Variants in OTOGL observed in about 807,000 individuals in gnomAD.
The protein encoded by OTOGL is otogelin like.
OTOGL carries 285 observed loss-of-function variants against 318.5 expected under a neutral mutation model. That is an observed-to-expected ratio of 0.89 (90% CI 0.81 to 0.99). The LOEUF (loss-of-function observed/expected upper bound fraction) is 0.99, where lower values mean the gene tolerates loss of function less well. Among genes scored for constraint, OTOGL ranks in the 50% least tolerant of loss-of-function variants. The probability of loss-of-function intolerance (pLI) is 0.00; values close to 1 mark genes in which losing one functional copy is unlikely to be tolerated. For missense variants in OTOGL, 2,899 were observed against 2,845.6 expected (o/e 1.02, Z -0.43); for synonymous variants, 987 against 936.5 (o/e 1.05, Z -0.99).
At chr12:80,140,134 C>G (rs1871839467) in intron 1 of OTOGL, among the ~76,000 whole-genome samples, 1 of 152,156 alleles carries the variant, frequency 6.6e-6, no homozygotes, top group Admixed American at 6.5e-5. Flanking sequence ...TTTGTTCTCT[C>G]TATTGATGAC....
At chr12:80,309,913 G>A (rs1375027337) in intron 29 of OTOGL, among the ~76,000 whole-genome samples, 1 of 152,112 alleles carries the variant, frequency 6.6e-6, no homozygotes, top group East Asian at 1.9e-4. Flanking sequence ...AAGCCAGGAC[G>A]CGTGTACCGA....
intron 1 of OTOGL, among the ~76,000 whole-genome samples, chr12:80,194,836 C>CA (rs1294098856): frequency 2.0e-5 from 3 of 151,752 alleles, no homozygotes; most frequent in Non-Finnish European, 4.4e-5. Flanking sequence ...AAATAAATAC[C>CA]AAACTGGAAA....
At chr12:80,256,626 T>A (rs1184050580) in intron 17 of OTOGL, among the ~76,000 whole-genome samples, 166 bp downstream of exon 17, 1 of 152,082 alleles carries the variant, frequency 6.6e-6, no homozygotes, top group African/African-American at 2.4e-5. Flanking sequence ...ATAGTGATGA[T>A]GATTATGTTT....
intron 26 of OTOGL, among the ~76,000 whole-genome samples, chr12:80,289,735 C>T (rs180835277): frequency 2.0e-5 from 3 of 152,264 alleles, no homozygotes; most frequent in South Asian, 2.1e-4. Flanking sequence ...TAATGGCGGA[C>T]GCCCCTCCCC....
chr12:80,133,846 C>T (rs918883502), intron 1 of OTOGL, among the ~76,000 whole-genome samples: 2 of 151,924 alleles, frequency 1.3e-5, no homozygotes, highest in African/African-American at 2.4e-5. Context: ...TCCAGCTACT[C>T]GGGAGGCTAA....
At chr12:80,148,916 A>T (rs1326206677) in intron 1 of OTOGL, among the ~76,000 whole-genome samples, 9 of 152,044 alleles carry the variant, frequency 5.9e-5, no homozygotes, top group Non-Finnish European at 1.2e-4. Flanking sequence ...AGCTCCTTTA[A>T]GCACTTCTCT....
intron 14 of OTOGL, among the ~76,000 whole-genome samples, chr12:80,254,080 A>C (rs1316563486): frequency 4.6e-5 from 7 of 152,144 alleles, no homozygotes; most frequent in African/African-American, 1.7e-4. Flanking sequence ...TATAATTGAA[A>C]TGTAATAGGA....
rs559990579 is a variant in OTOGL at position 80,280,233 on chromosome 12, C to T, written c.2928+1067C>T. Among the ~76,000 whole-genome samples, 12 of 151,530 alleles carry T rather than the reference C, an allele frequency of 7.9e-5. No individual in the cohort carries two copies. In the South Asian group the frequency reaches 2.3e-3, roughly 29 times the overall value. Reference sequence around the variant, plus strand: ...GTGCATAATTTGCAAATATTTTCTCCCATTCTGTAGGTTTTCTGTTTATTT... The same window carrying T: ...GTGCATAATTTGCAAATATTTTCTCTCATTCTGTAGGTTTTCTGTTTATTT... On this transcript the variant is annotated intron_variant, in intron 26 of 58. Transcript: ENST00000547103.
At chr12:80,341,340 T>C in intron 43 of OTOGL, among the ~76,000 whole-genome samples, 1 of 152,170 alleles carries the variant, frequency 6.6e-6, no homozygotes, top group East Asian at 1.9e-4. Flanking sequence ...GTCCCTATGT[T>C]GAATAAATTC....
intron 1 of OTOGL, among the ~76,000 whole-genome samples, chr12:80,190,119 A>G (rs951733984): frequency 2.6e-5 from 4 of 152,206 alleles, no homozygotes; most frequent in African/African-American, 7.2e-5. Context: ...ATTTTGGCAC[A>G]TGATGGCATT....
chr12:80,370,873 C>A, intron 56 of OTOGL, 184 bp downstream of exon 56: 1 of 415,006 alleles, frequency 2.4e-6, no homozygotes, highest in Non-Finnish European at 4.0e-6. Flanking sequence ...TACGGCGTTC[C>A]AGGTAATTCT....
At chr12:80,181,388 C>A (rs1001424547) in intron 1 of OTOGL, among the ~76,000 whole-genome samples, 3 of 151,754 alleles carry the variant, frequency 2.0e-5, no homozygotes, top group African/African-American at 7.3e-5. Flanking sequence ...TGGCCCACCC[C>A]CTTTGGTGGT....
chr12:80,107,913 G>A (rs544008919), intron 1 of OTOGL, among the ~76,000 whole-genome samples: 9 of 152,068 alleles, frequency 5.9e-5, no homozygotes, highest in Non-Finnish European at 8.8e-5. Flanking sequence ...ACATGGACAC[G>A]AAGAGGGAAA....
In OTOGL at chr12:80,355,922, G is replaced by T; in HGVS notation, c.5780G>T (p.Trp1927Leu). 6.2e-7 allele frequency: 1 copy of T among 1,613,870 alleles called. No homozygotes were observed. Among genetic ancestry groups the T allele is most frequent in the South Asian group, 1.1e-5 (1 of 91,082 alleles). ...GTTGTCATGGGCATCATTGATAAAT[G>T]GACCTGCTGTTCAAAGGAAGTTTGT... is the stretch of plus-strand genomic sequence containing the variant. ...AEVVMGIIDK[W>L]TCCSKEVCGC... Residue 1927 changes from tryptophan (W) to leucine (L), a missense_variant, in exon 47 of 59, where the codon TGG becomes TTG. This residue lies in a region of OTOGL where 2,607 missense variants were observed against 2,524.9 expected (regional missense o/e 1.03). Coordinates refer to ENST00000547103, the MANE Select transcript of OTOGL (RefSeq NM_001378609.3).
intron 10 of OTOGL, 107 bp downstream of exon 10, chr12:80,239,085 T>C: frequency 7.8e-7 from 1 of 1,275,394 alleles, no homozygotes; most frequent in Non-Finnish European, 1.0e-6. Flanking sequence ...AATTTAAAAA[T>C]ATTATATCCA....
intron 18 of OTOGL, among the ~76,000 whole-genome samples, chr12:80,259,493 G>A (rs775840035): frequency 3.3e-5 from 5 of 151,822 alleles, no homozygotes; most frequent in Non-Finnish European, 5.9e-5. Context: ...TTTAAGCCCC[G>A]CATGCATTAG....
At chr12:80,109,576 G>A (rs1255208502) in intron 1 of OTOGL, among the ~76,000 whole-genome samples, 1 of 152,092 alleles carries the variant, frequency 6.6e-6, no homozygotes, top group African/African-American at 2.4e-5. Flanking sequence ...CATTATTTAG[G>A]GGGGACACAG....
intron 10 of OTOGL, 94 bp downstream of exon 10, chr12:80,239,072 C>A: frequency 7.6e-7 from 1 of 1,316,286 alleles, no homozygotes; most frequent in Non-Finnish European, 9.9e-7. Context: ...GTAAACACAA[C>A]ATAATTTAAA....
chr12:80,121,110 C>A (rs1172632908), intron 1 of OTOGL, among the ~76,000 whole-genome samples: 1 of 152,092 alleles, frequency 6.6e-6, no homozygotes, highest in Non-Finnish European at 1.5e-5. Flanking sequence ...AGGGCTGAGG[C>A]CTCTGTTACA....
Sources: allele counts gnomAD v4.1 joint callset (sites outside exome capture counted in the v4.1 genomes callset), GRCh38; gene constraint gnomAD v4.1.1; regional missense constraint gnomAD v4.1.1; transcripts MANE v1.5; gene names NCBI Gene and HGNC (gene_info 2026-07-23, HGNC 2026-07-21).